KHDRBS2: variants seen among roughly 807,000 people sequenced by gnomAD.
KHDRBS2 encodes the protein KH RNA binding domain containing, signal transduction associated 2.
A neutral mutation model predicts 44.3 loss-of-function variants in KHDRBS2; 26 were observed. That is an observed-to-expected ratio of 0.59 (90% CI 0.43 to 0.81). The LOEUF (loss-of-function observed/expected upper bound fraction) is 0.81. KHDRBS2 is among the 40% of genes least tolerant of loss of function. The pLI, the probability that KHDRBS2 is intolerant of heterozygous loss-of-function variation, is 0.00. For missense variants in KHDRBS2, 476 were observed against 433.1 expected (o/e 1.10, Z -0.88); for synonymous variants, 194 against 151.1 (o/e 1.28, Z -2.08).
chr6:62,184,531 G>A (rs889138339), intron 1 of KHDRBS2, among the ~76,000 whole-genome samples: 1 of 151,652 alleles, frequency 6.6e-6, no homozygotes, highest in Non-Finnish European at 1.5e-5. Context: ...TAAAAATTGA[G>A]GAGTCCTTAA....
chr6:61,997,779 C>G (rs1308852730), intron 3 of KHDRBS2, among the ~76,000 whole-genome samples: 1 of 152,130 alleles, frequency 6.6e-6, no homozygotes, highest in Non-Finnish European at 1.5e-5. Context: ...CCCAGCCCAG[C>G]TTACATGTTA....
intron 4 of KHDRBS2, among the ~76,000 whole-genome samples, chr6:61,956,076 C>T (rs929551361): frequency 1.3e-5 from 2 of 151,910 alleles, no homozygotes; most frequent in African/African-American, 4.8e-5. Flanking sequence ...GTCTGTATTC[C>T]CAGCTATTCG....
chr6:61,625,437 A>T, the KHDRBS2 span, among the ~76,000 whole-genome samples: 1 of 150,726 alleles, frequency 6.6e-6, no homozygotes, highest in African/African-American at 2.4e-5. Flanking sequence ...AGAGAATCTG[A>T]TGCAAGAATA....
the KHDRBS2 span, among the ~76,000 whole-genome samples, chr6:61,655,326 C>T: frequency 1.3e-5 from 2 of 151,892 alleles, no homozygotes; most frequent in African/African-American, 2.4e-5. Flanking sequence ...TGCAATTTGG[C>T]TCCCTGCAAC....
chr6:62,190,831 C>G (rs1030873076), intron 1 of KHDRBS2, among the ~76,000 whole-genome samples: 8 of 152,056 alleles, frequency 5.3e-5, no homozygotes, highest in African/African-American at 1.9e-4. Flanking sequence ...CCTGGTACTC[C>G]CCACTCTATA....
the KHDRBS2 span, among the ~76,000 whole-genome samples, chr6:61,664,695 T>G: frequency 6.6e-6 from 1 of 151,730 alleles, no homozygotes; most frequent in African/African-American, 2.4e-5. Flanking sequence ...AAATGACAAA[T>G]TTATCATATA....
At chr6:61,668,196 A>G in the KHDRBS2 span, among the ~76,000 whole-genome samples, 1 of 151,200 alleles carries the variant, frequency 6.6e-6, no homozygotes, top group Admixed American at 6.6e-5. Context: ...ACATCAATAT[A>G]TTTATAAAAT....
intron 2 of KHDRBS2, among the ~76,000 whole-genome samples, chr6:62,113,555 C>A (rs1260583842): frequency 6.6e-6 from 1 of 152,062 alleles, no homozygotes; most frequent in Non-Finnish European, 1.5e-5. Flanking sequence ...AAATAACAAA[C>A]CTTATCATCT....
At chr6:62,278,966 T>C (rs1358233654) in intron 1 of KHDRBS2, among the ~76,000 whole-genome samples, 29 of 152,050 alleles carry the variant, frequency 1.9e-4, no homozygotes, top group African/African-American at 7.0e-4. Flanking sequence ...TGGTGGCGGG[T>C]GCCTGTAGTC....
chr6:62,008,562 A>G (rs1779695778), intron 3 of KHDRBS2, among the ~76,000 whole-genome samples: 1 of 152,140 alleles, frequency 6.6e-6, no homozygotes, highest in Admixed American at 6.6e-5. Flanking sequence ...AATTTTGGGG[A>G]TGGAATTATC....
At chr6:61,691,004 GC>G (rs1767342509) in intron 8 of KHDRBS2, among the ~76,000 whole-genome samples, 1 of 151,978 alleles carries the variant, frequency 6.6e-6, no homozygotes, top group Non-Finnish European at 1.5e-5. Flanking sequence ...CACCTATGAA[GC>G]TTTTAGATAA....
At chr6:61,732,818 C>T in intron 6 of KHDRBS2, 54 bp from the exon 7 acceptor site, 1 of 949,460 alleles carries the variant, frequency 1.1e-6, no homozygotes, top group Non-Finnish European at 1.7e-6. Flanking sequence ...TAACTTTGAT[C>T]TGTTTTCAGT....
At chr6:61,966,483 G>A (rs1769967619) in intron 4 of KHDRBS2, among the ~76,000 whole-genome samples, 1 of 151,854 alleles carries the variant, frequency 6.6e-6, no homozygotes, top group Admixed American at 6.6e-5. Flanking sequence ...GTTGTCCAGG[G>A]GACATGATAA....
chr6:61,699,210 A>G (rs868669708), intron 7 of KHDRBS2, among the ~76,000 whole-genome samples: 2 of 152,112 alleles, frequency 1.3e-5, no homozygotes, highest in African/African-American at 4.8e-5. Context: ...TAGGAAGCCC[A>G]GACACCATTT....
chr6:61,790,485 T>C (rs575259768), intron 6 of KHDRBS2, among the ~76,000 whole-genome samples: 43 of 151,098 alleles, frequency 2.8e-4, no homozygotes, highest in Non-Finnish European at 3.0e-4. Context: ...CAATTCAACT[T>C]AACAAGCTCT....
intron 2 of KHDRBS2, among the ~76,000 whole-genome samples, chr6:62,134,093 G>A (rs778567848): frequency 6.6e-5 from 10 of 152,132 alleles, no homozygotes; most frequent in Admixed American, 1.3e-4. Flanking sequence ...AATGTTAATC[G>A]CTAAGACAAT....
chr6:61,669,743 A>C, the KHDRBS2 span, among the ~76,000 whole-genome samples: 1 of 151,022 alleles, frequency 6.6e-6, no homozygotes, highest in Non-Finnish European at 1.5e-5. Flanking sequence ...TATTATTATC[A>C]CCATTTTACC....
the KHDRBS2 span, among the ~76,000 whole-genome samples, chr6:61,672,864 G>A: frequency 6.6e-6 from 1 of 151,390 alleles, no homozygotes; most frequent in Non-Finnish European, 1.5e-5. Context: ...GATCCCATTT[G>A]TCAATTTTGG....
At chr6:61,727,528 C>A (rs1773771220) in intron 7 of KHDRBS2, among the ~76,000 whole-genome samples, 1 of 152,066 alleles carries the variant, frequency 6.6e-6, no homozygotes. Context: ...AAAAATTTTG[C>A]AACCTATCCA....
Sources: allele counts gnomAD v4.1 joint callset (sites outside exome capture counted in the v4.1 genomes callset), GRCh38; gene constraint gnomAD v4.1.1; transcripts MANE v1.5; gene names NCBI Gene and HGNC (gene_info 2026-07-23, HGNC 2026-07-21).